ABTB2: variants seen among roughly 807,000 people sequenced by gnomAD.
The protein encoded by ABTB2 is ankyrin repeat and BTB domain containing 2.
A neutral mutation model predicts 104.1 loss-of-function variants in ABTB2; 56 were observed. That is an observed-to-expected ratio of 0.54 (90% confidence interval 0.43 to 0.67). The LOEUF is 0.67. Among genes scored for constraint, ABTB2 ranks in the 30% least tolerant of loss-of-function variants. The pLI, the probability that ABTB2 is intolerant of heterozygous loss-of-function variation, is 0.00. For missense variants in ABTB2, 1,279 were observed against 1,407.7 expected (o/e 0.91, Z 1.46); for synonymous variants, 606 against 608.2 (o/e 1.00, Z 0.05).
chr11:34,218,098 G>A (rs1853569691), intron 1 of ABTB2, among the ~76,000 whole-genome samples: 1 of 152,210 alleles, frequency 6.6e-6, no homozygotes, highest in African/African-American at 2.4e-5. Context: ...TTGGTGAGAT[G>A]TCTGTTAAGA....
Position 34,159,936 on chromosome 11 carries a change from T to C in ABTB2, c.2576A>G (p.His859Arg). 2 of 1,614,076 alleles carry C rather than the reference T, an allele frequency of 1.2e-6. No individual in the cohort carries two copies. The highest frequency in any genetic ancestry group is 1.7e-6 in the Non-Finnish European group (2 of 1,179,962). ...FLVEGKLFYA[H>R]KVLLVTASNR... ...AGAAGCTGTCACCAGCAGGACTTTA[T>C]GTGCATAAAACAGCTTTCCTTCCAC... is the stretch of plus-strand genomic sequence containing the variant. Residue 859 changes from histidine (H) to arginine (R), a missense_variant, in exon 13 of 17, where the codon CAT (histidine) becomes CGT (arginine). His to Arg is a conservative substitution (Grantham distance 29). Coordinates refer to ENST00000435224, the MANE Select transcript of ABTB2 (RefSeq NM_145804.3).
chr11:34,215,555 C>T (rs969989814), intron 1 of ABTB2, among the ~76,000 whole-genome samples: 1 of 152,184 alleles, frequency 6.6e-6, no homozygotes, highest in Non-Finnish European at 1.5e-5. Context: ...TCATTAGACT[C>T]TTCAGACAAT....
At chr11:34,284,504 T>G (rs1237319029) in intron 1 of ABTB2, among the ~76,000 whole-genome samples, 1 of 152,184 alleles carries the variant, frequency 6.6e-6, no homozygotes, top group Non-Finnish European at 1.5e-5. Context: ...AACAGAACTT[T>G]AATCACACTA....
At chr11:34,181,546 C>T (rs1853026911) in intron 3 of ABTB2, among the ~76,000 whole-genome samples, 1 of 152,202 alleles carries the variant, frequency 6.6e-6, no homozygotes, top group African/African-American at 2.4e-5. Context: ...TTGTGCCCTT[C>T]TCCATCCACC....
chr11:34,156,760 G>A (rs1852634039), intron 14 of ABTB2, among the ~76,000 whole-genome samples: 1 of 152,132 alleles, frequency 6.6e-6, no homozygotes, highest in South Asian at 2.1e-4. Flanking sequence ...CCAACCTCAG[G>A]TGATCTGCCC....
intron 1 of ABTB2, among the ~76,000 whole-genome samples, chr11:34,223,589 C>G (rs1266641712): frequency 6.6e-6 from 1 of 152,234 alleles, no homozygotes; most frequent in Non-Finnish European, 1.5e-5. Flanking sequence ...GGCCCATGCT[C>G]TAGCTCTGGG....
chr11:34,226,617 G>GAGTCCA (rs1414179016), intron 1 of ABTB2, among the ~76,000 whole-genome samples: 1 of 152,206 alleles, frequency 6.6e-6, no homozygotes, highest in Non-Finnish European at 1.5e-5. Context: ...CAGCGTTCAT[G>GAGTCCA]AGTCCAAGTA....
intron 1 of ABTB2, among the ~76,000 whole-genome samples, chr11:34,242,943 G>A (rs985076352): frequency 1.3e-5 from 2 of 152,126 alleles, no homozygotes; most frequent in Non-Finnish European, 2.9e-5. Flanking sequence ...ACCTCAGGCC[G>A]GGCCTGAGGT....
At chr11:34,275,484 T>TC (rs1230170384) in intron 1 of ABTB2, among the ~76,000 whole-genome samples, 2 of 148,070 alleles carry the variant, frequency 1.4e-5, no homozygotes, top group South Asian at 2.1e-4. Flanking sequence ...CAGGGCTCTC[T>TC]TTTTTTTTTG....
intron 1 of ABTB2, among the ~76,000 whole-genome samples, chr11:34,347,240 A>G (rs1470001948): frequency 1.3e-5 from 2 of 152,186 alleles, no homozygotes; most frequent in Non-Finnish European, 1.5e-5. Context: ...GTTCGAGACC[A>G]GCCTGGCCAA....
At chr11:34,291,226 T>C (rs1854562571) in intron 1 of ABTB2, among the ~76,000 whole-genome samples, 2 of 152,256 alleles carry the variant, frequency 1.3e-5, no homozygotes, top group African/African-American at 4.8e-5. Flanking sequence ...TAGTCTCTTT[T>C]TCTAATTGGA....
chr11:34,266,313 G>A (rs1423864281), intron 1 of ABTB2, among the ~76,000 whole-genome samples: 2 of 152,186 alleles, frequency 1.3e-5, no homozygotes, highest in East Asian at 1.9e-4. Context: ...TTGAACTCCT[G>A]GGCTCAAGCA....
intron 1 of ABTB2, among the ~76,000 whole-genome samples, chr11:34,272,706 C>CAAAAAAAAAAAAAAA (rs35638814): frequency 4.9e-5 from 2 of 41,058 alleles, no homozygotes; most frequent in East Asian, 9.3e-4. Context: ...GACTCCGTCT[C>CAAAAAAAAAAAAAAA]AAAAAAAAAA....
intron 1 of ABTB2, among the ~76,000 whole-genome samples, chr11:34,304,360 C>T (rs1854746705): frequency 6.6e-6 from 1 of 152,196 alleles, no homozygotes; most frequent in South Asian, 2.1e-4. Flanking sequence ...ATTCTCCGGC[C>T]TCTGCCTCCC....
chr11:34,249,940 T>C (rs1299499611), intron 1 of ABTB2, among the ~76,000 whole-genome samples: 1 of 152,244 alleles, frequency 6.6e-6, no homozygotes, highest in Non-Finnish European at 1.5e-5. Flanking sequence ...GTGGTCTACA[T>C]GGCTCTGGCA....
intron 1 of ABTB2, among the ~76,000 whole-genome samples, chr11:34,327,061 C>T (rs1038873371): frequency 2.0e-5 from 3 of 151,972 alleles, no homozygotes; most frequent in East Asian, 1.9e-4. Flanking sequence ...GGCAACAGAG[C>T]GAGACTCCGT....
chr11:34,164,809 A>G lies in ABTB2; in HGVS notation c.1865T>C (p.Leu622Pro). ...GCCTCGGCTCAGCAACAAACTGACC[A>G]GCTCATAGTTCCCTGAAAGAGAAGG... ...QLASAAGNYE[L>P]VSLLLSRGAD... The change falls in exon 9 of 17, where the codon CTG (leucine) becomes CCG (proline). Residue 622 changes from leucine to proline, a missense_variant. Transcript: ENST00000435224. The G allele has an allele frequency of 6.3e-7, 1 of 1,585,904 alleles. No homozygotes were observed. Among genetic ancestry groups the G allele is most frequent in the Non-Finnish European group, 8.5e-7 (1 of 1,171,078 alleles).
At chr11:34,195,129 G>T (rs577108076) in intron 3 of ABTB2, among the ~76,000 whole-genome samples, 4,478 of 142,642 alleles carry the variant, frequency 0.031, 97 homozygotes, top group Middle Eastern at 0.063. Flanking sequence ...GACTGCCCCT[G>T]GGCCTATAGC....
chr11:34,164,946 C>A, intron 8 of ABTB2, 125 bp from the exon 9 acceptor site: 1 of 1,186,728 alleles, frequency 8.4e-7, no homozygotes, highest in Non-Finnish European at 1.2e-6. Context: ...GTAAACCCCA[C>A]ACTCATCTGC....
Sources: gnomAD v4.1 joint callset for allele counts (sites outside exome capture counted in the v4.1 genomes callset) on GRCh38, gnomAD v4.1.1 for gene constraint, MANE v1.5 for transcripts, NCBI Gene and HGNC (gene_info 2026-07-23, HGNC 2026-07-21) for gene names.